Variants in PCDHA7 observed in about 807,000 individuals in gnomAD.
PCDHA7 encodes the protein protocadherin alpha 7.
In PCDHA7, 37 loss-of-function variants were observed where a neutral mutation model predicts 57.2. The ratio of observed to expected loss-of-function variants is 0.65; its 90% CI spans 0.50 to 0.85. The LOEUF (loss-of-function observed/expected upper bound fraction) is 0.85. Ranked by LOEUF, PCDHA7 falls within the 40% of genes least tolerant of loss-of-function variation. The pLI, the probability that PCDHA7 is intolerant of heterozygous loss-of-function variation, is 0.00. For missense variants in PCDHA7, 1,188 were observed against 1,241.8 expected (o/e 0.96, Z 0.65); for synonymous variants, 553 against 558.8 (o/e 0.99, Z 0.15).
At chr5:140,850,285 T>G in intron 1 of PCDHA7, 1 of 1,595,606 alleles carries the variant, frequency 6.3e-7, no homozygotes, top group Non-Finnish European at 8.6e-7. Context: ...GTGCGCGCAG[T>G]GGACGCCGAC....
chr5:140,915,850 C>A (rs2077335554), intron 1 of PCDHA7, among the ~76,000 whole-genome samples: 1 of 152,140 alleles, frequency 6.6e-6, no homozygotes, highest in South Asian at 2.1e-4. Context: ...GGGGTGACAC[C>A]AGCCAAGTTT....
intron 1 of PCDHA7, among the ~76,000 whole-genome samples, chr5:140,942,607 A>G (rs529680459): frequency 1.7e-5 from 2 of 116,438 alleles, no homozygotes; most frequent in East Asian, 2.5e-4. Context: ...TAGTGTTTAT[A>G]TTTGCCAATT....
At chr5:140,979,966 A>G (rs1029035910) in intron 2 of PCDHA7, among the ~76,000 whole-genome samples, 7 of 152,258 alleles carry the variant, frequency 4.6e-5, no homozygotes, top group Non-Finnish European at 7.3e-5. Context: ...TTAGCCCATT[A>G]AAATGCATTA....
intron 3 of PCDHA7, among the ~76,000 whole-genome samples, chr5:141,006,898 C>A (rs2098293427): frequency 6.6e-6 from 1 of 152,152 alleles, no homozygotes; most frequent in East Asian, 1.9e-4. Context: ...TTTCAGATTT[C>A]TTCAGTTTGG....
chr5:140,948,495 G>T (rs2094260954), intron 1 of PCDHA7, among the ~76,000 whole-genome samples: 1 of 151,424 alleles, frequency 6.6e-6, no homozygotes, highest in African/African-American at 2.4e-5. Context: ...TTCTTTCATA[G>T]ACTTTCTATT....
chr5:140,943,657 C>T (rs531235288), intron 1 of PCDHA7, among the ~76,000 whole-genome samples: 51 of 151,756 alleles, frequency 3.4e-4, no homozygotes, highest in African/African-American at 1.2e-3. Flanking sequence ...CATCTATGAA[C>T]AATGTATAAA....
rs1324543044 is a variant in PCDHA7 at position 140,847,178 on chromosome 5, A to G, written c.2355+10440A>G. ...TTTCTGAGTAATAAACTAAAGGGCC[A>G]TGAGTGATTAAGGAATTTGGCCACT... On this transcript the variant is annotated intron_variant, in intron 1 of 3. Coordinates refer to ENST00000525929, the MANE Select transcript of PCDHA7 (RefSeq NM_018910.3). Among the ~76,000 whole-genome samples the G allele has an allele frequency of 3.3e-5, 5 of 149,760 alleles. 1 individual carries two copies. The highest frequency in any genetic ancestry group is 7.5e-5 in the Non-Finnish European group (5 of 66,876).
chr5:141,005,031 A>G (rs2098194150), intron 3 of PCDHA7, among the ~76,000 whole-genome samples: 1 of 152,212 alleles, frequency 6.6e-6, no homozygotes, highest in South Asian at 2.1e-4. Context: ...ATAATTGCCC[A>G]TATGTGATAC....
chr5:140,967,665 C>G (rs782126222), intron 1 of PCDHA7: 1 of 1,614,154 alleles, frequency 6.2e-7, no homozygotes. Context: ...AGCAGCTACA[C>G]GTCGGACCGG....
chr5:140,841,402 G>A (rs2150314669), intron 1 of PCDHA7: 15 of 1,613,154 alleles, frequency 9.3e-6, no homozygotes, highest in Non-Finnish European at 1.3e-5. Flanking sequence ...GGAAGGTGGG[G>A]AGCGGCCAGC....
intron 1 of PCDHA7, chr5:140,852,195 C>T (rs2150513188): frequency 8.5e-6 from 6 of 709,164 alleles, no homozygotes; most frequent in African/African-American, 1.9e-5. Flanking sequence ...ATGCCAGTAA[C>T]GTTTATTTAA....
At chr5:140,913,318 T>C (rs953831117) in intron 1 of PCDHA7, among the ~76,000 whole-genome samples, 1 of 152,188 alleles carries the variant, frequency 6.6e-6, no homozygotes, top group African/African-American at 2.4e-5. Flanking sequence ...CTTGGTAAGT[T>C]GTATGTGTCT....
intron 2 of PCDHA7, among the ~76,000 whole-genome samples, chr5:140,981,395 G>A (rs928966988): frequency 5.2e-4 from 79 of 152,210 alleles, no homozygotes; most frequent in African/African-American, 1.9e-3. Context: ...TCAATATGGT[G>A]AAAACCTGTC....
At chr5:140,859,551 A>G (rs1258931011) in intron 1 of PCDHA7, 1 of 180,640 alleles carries the variant, frequency 5.5e-6, no homozygotes, top group African/African-American at 2.4e-5. Flanking sequence ...AGTGTTACCA[A>G]ACACCAATGC....
At chr5:140,958,692 T>C (rs2095438296) in intron 1 of PCDHA7, among the ~76,000 whole-genome samples, 2 of 152,190 alleles carry the variant, frequency 1.3e-5, no homozygotes, top group African/African-American at 4.8e-5. Flanking sequence ...TTGAATATCC[T>C]AGAGTGACAA....
intron 1 of PCDHA7, among the ~76,000 whole-genome samples, chr5:140,951,543 C>A (rs246041): frequency 1.3e-5 from 2 of 151,428 alleles, no homozygotes; most frequent in South Asian, 2.1e-4. Flanking sequence ...GAGCAAGGGA[C>A]GGGGGGAAGT....
In PCDHA7 at chr5:140,836,574, G is replaced by A. The variant is rs2150264470; in HGVS notation, c.2191G>A (p.Ala731Thr). Reference protein sequence around the residue: ...LRCSAPSSEGACSLVKPTLVC... With the variant: ...LRCSAPSSEGTCSLVKPTLVC... ...GTGCTCAGCGCCGTCCTCTGAGGGCGCATGTAGTTTGGTAAAGCCCACTCT... is the reference window on the plus strand; with the variant it reads ...GTGCTCAGCGCCGTCCTCTGAGGGCACATGTAGTTTGGTAAAGCCCACTCT... The change falls in exon 1 of 4, where the codon GCA (alanine) becomes ACA (threonine). Residue 731 changes from alanine (A) to threonine (T), a missense_variant. Around this residue, in one of 3 missense-constraint regions of PCDHA7, gnomAD observed 892 missense variants for 788.5 expected, o/e 1.13. Coordinates refer to ENST00000525929, the MANE Select transcript of PCDHA7 (RefSeq NM_018910.3). The A allele has an allele frequency of 1.9e-6, 3 of 1,613,706 alleles. No homozygotes were observed. Among genetic ancestry groups the A allele is most frequent in the East Asian group, 4.5e-5 (2 of 44,844 alleles).
At chr5:140,877,810 C>A (rs782370638) in intron 1 of PCDHA7, 9 of 1,610,248 alleles carry the variant, frequency 5.6e-6, no homozygotes, top group Non-Finnish European at 6.8e-6. Flanking sequence ...TCAGCTGTCT[C>A]GAGAAGATTG....
chr5:140,942,023 A>G (rs1391051051), intron 1 of PCDHA7, among the ~76,000 whole-genome samples: 2 of 152,208 alleles, frequency 1.3e-5, no homozygotes, highest in African/African-American at 4.8e-5. Context: ...TTGGGAAAAA[A>G]TAATTCATAA....
Sources: gnomAD v4.1 joint callset for allele counts (sites outside exome capture counted in the v4.1 genomes callset) on GRCh38, gnomAD v4.1.1 for gene constraint, gnomAD v4.1.1 regional missense constraint, MANE v1.5 for transcripts, NCBI Gene and HGNC (gene_info 2026-07-23, HGNC 2026-07-21) for gene names.